ATP10B: variants seen among roughly 807,000 people sequenced by gnomAD.
ATP10B encodes the protein ATPase phospholipid transporting 10B (putative).
In ATP10B, 122 loss-of-function variants were observed where a neutral mutation model predicts 141.2. The observed-to-expected ratio is 0.86, with a 90% CI of 0.75 to 1.00. The LOEUF (loss-of-function observed/expected upper bound fraction) is 1.00. Among genes scored for constraint, ATP10B ranks in the 50% least tolerant of loss-of-function variants. The pLI is 0.00. For missense variants in ATP10B, 1,876 were observed against 1,825.3 expected (o/e 1.03, Z -0.51); for synonymous variants, 685 against 692.0 (o/e 0.99, Z 0.16).
chr5:160,653,119 G>T (rs373115008), intron 7 of ATP10B, among the ~76,000 whole-genome samples: 4,471 of 122,582 alleles, frequency 0.036, 128 homozygotes, highest in Non-Finnish European at 0.056. Context: ...ACATATACAT[G>T]TATATATTAT....
intron 1 of ATP10B, among the ~76,000 whole-genome samples, chr5:160,803,173 T>C (rs1561870413): frequency 6.6e-6 from 1 of 152,198 alleles, no homozygotes; most frequent in East Asian, 1.9e-4. Context: ...TCAGTTTTTT[T>C]CCTTTTTGTT....
At chr5:160,822,950 T>C (rs1774216617) in intron 1 of ATP10B, among the ~76,000 whole-genome samples, 1 of 132,986 alleles carries the variant, frequency 7.5e-6, no homozygotes, top group Non-Finnish European at 1.6e-5. Flanking sequence ...CTAGTACTTA[T>C]TAACACAAAA....
intron 24 of ATP10B, among the ~76,000 whole-genome samples, chr5:160,584,711 C>T (rs1755779119): frequency 6.6e-6 from 1 of 152,086 alleles, no homozygotes; most frequent in African/African-American, 2.4e-5. Context: ...TATGTTGTGT[C>T]TTATAGTTTT....
the ATP10B span, among the ~76,000 whole-genome samples, chr5:160,892,514 T>C: frequency 3.3e-5 from 5 of 152,366 alleles, 1 homozygote; most frequent in African/African-American, 1.2e-4. Context: ...AAAAAGTGAT[T>C]ATTTGTTTAC....
chr5:160,645,878 G>T (rs986483026), intron 8 of ATP10B, among the ~76,000 whole-genome samples: 1 of 152,152 alleles, frequency 6.6e-6, no homozygotes. Flanking sequence ...CCACTTTACA[G>T]ATAGGGAAAC....
chr5:160,574,719 T>G (rs1431599227), intron 24 of ATP10B, among the ~76,000 whole-genome samples: 1 of 152,182 alleles, frequency 6.6e-6, no homozygotes, highest in Non-Finnish European at 1.5e-5. Flanking sequence ...GGAAGCATCC[T>G]AGTGCTTTTT....
At chr5:160,812,205 T>C (rs1392311992) in intron 1 of ATP10B, among the ~76,000 whole-genome samples, 2 of 152,220 alleles carry the variant, frequency 1.3e-5, no homozygotes, top group Admixed American at 6.5e-5. Flanking sequence ...CACAGTGTTA[T>C]TGGGCTTTGG....
chr5:160,775,829 C>T (rs538819761), intron 2 of ATP10B, among the ~76,000 whole-genome samples: 5 of 152,082 alleles, frequency 3.3e-5, no homozygotes, highest in African/African-American at 4.8e-5. Flanking sequence ...TACAGGCACC[C>T]GCCACCATGC....
At chr5:160,792,793 ATGTAAT>A (rs1398098160) in intron 1 of ATP10B, among the ~76,000 whole-genome samples, 1 of 152,128 alleles carries the variant, frequency 6.6e-6, no homozygotes, top group Non-Finnish European at 1.5e-5. Flanking sequence ...CACATGATCA[ATGTAAT>A]TGGTCACTCT....
At chr5:160,736,946 A>G (rs768857334) in intron 2 of ATP10B, among the ~76,000 whole-genome samples, 6 of 152,200 alleles carry the variant, frequency 3.9e-5, no homozygotes, top group Non-Finnish European at 7.3e-5. Flanking sequence ...CCAGACAAAG[A>G]CATATCGAAA....
intron 3 of ATP10B, among the ~76,000 whole-genome samples, chr5:160,714,047 AT>A (rs1765448816): frequency 2.4e-5 from 1 of 42,530 alleles, no homozygotes; most frequent in African/African-American, 1.0e-4. Flanking sequence ...TGCCCTTAAC[AT>A]TTTTTCCTTC....
At chr5:160,576,270 G>C (rs557505665) in intron 24 of ATP10B, among the ~76,000 whole-genome samples, 14 of 152,064 alleles carry the variant, frequency 9.2e-5, no homozygotes, top group Non-Finnish European at 1.8e-4. Flanking sequence ...TTTACTACAG[G>C]GACTAGACCT....
At chr5:160,834,547 T>C (rs1256355836) in intron 1 of ATP10B, among the ~76,000 whole-genome samples, 1 of 152,116 alleles carries the variant, frequency 6.6e-6, no homozygotes, top group Non-Finnish European at 1.5e-5. Flanking sequence ...CAACATTCTT[T>C]ATGAAATGCT....
At chr5:160,777,156 G>C (rs2127871324) in intron 2 of ATP10B, among the ~76,000 whole-genome samples, 1 of 152,354 alleles carries the variant, frequency 6.6e-6, no homozygotes, top group Middle Eastern at 3.4e-3. Flanking sequence ...CAGAGCTATG[G>C]AAGGGATGGC....
chr5:160,856,699 A>T (rs1194043155), upstream of ATP10B, among the ~76,000 whole-genome samples: 1 of 151,742 alleles, frequency 6.6e-6, no homozygotes, highest in Non-Finnish European at 1.5e-5. Context: ...TATGTAGATG[A>T]TTTGAGTTGA....
At chr5:160,746,010 A>G (rs910780882) in intron 2 of ATP10B, among the ~76,000 whole-genome samples, 1 of 152,230 alleles carries the variant, frequency 6.6e-6, no homozygotes, top group Non-Finnish European at 1.5e-5. Flanking sequence ...AAGGGTAATT[A>G]TATCTACCTT....
chr5:160,855,128 ATGTTTAGTATTTTAATAAATGCT>A (rs1366100231), upstream of ATP10B, among the ~76,000 whole-genome samples: 1 of 152,228 alleles, frequency 6.6e-6, no homozygotes, highest in East Asian at 1.9e-4. Context: ...ATTGTATGGT[ATGTTTAGTATTTTAATAAATGCT>A]TGTTTAGTAT....
the ATP10B span, among the ~76,000 whole-genome samples, chr5:160,926,669 C>T: frequency 4.6e-5 from 7 of 152,226 alleles, no homozygotes; most frequent in South Asian, 2.1e-4. Flanking sequence ...TACTGCCAAA[C>T]GCTGTGTGGT....
chr5:160,589,127 T>G (rs1313579880), intron 24 of ATP10B, among the ~76,000 whole-genome samples: 1 of 152,172 alleles, frequency 6.6e-6, no homozygotes, highest in East Asian at 1.9e-4. Flanking sequence ...TTTTCCTGCC[T>G]CAGCCTCCCG....
Sources: allele counts gnomAD v4.1 joint callset (sites outside exome capture counted in the v4.1 genomes callset), GRCh38; gene constraint gnomAD v4.1.1; transcripts MANE v1.5; gene names NCBI Gene and HGNC (gene_info 2026-07-23, HGNC 2026-07-21).